TRAPPC11: variants seen among roughly 807,000 people sequenced by gnomAD.
TRAPPC11 encodes foie gras homolog.
TRAPPC11 carries 104 observed loss-of-function variants against 151.2 expected under a neutral mutation model. That is an observed-to-expected ratio of 0.69 (90% CI 0.59 to 0.81). The LOEUF (loss-of-function observed/expected upper bound fraction) is 0.81. TRAPPC11 is among the 30% of genes least tolerant of loss of function. The pLI is 0.00. For missense variants in TRAPPC11, 1,230 were observed against 1,349.6 expected (o/e 0.91, Z 1.39); for synonymous variants, 456 against 472.3 (o/e 0.97, Z 0.45).
chr4:183,676,828 G>A (rs1175363949), intron 7 of TRAPPC11, among the ~76,000 whole-genome samples: 1 of 152,154 alleles, frequency 6.6e-6, no homozygotes, highest in Admixed American at 6.5e-5. Flanking sequence ...GTGGTGGCAC[G>A]ATCTCAGCTC....
rs753383828 is a variant in TRAPPC11, at chr4:183,663,735, TG to T, written c.-21-111del. 9.0e-3 allele frequency: 5,198 copies of T among 580,090 alleles called. 87 individuals carry two copies. The highest frequency in any genetic ancestry group is 0.035 in the African/African-American group (1,666 of 47,244). 35.9% of individuals were successfully genotyped at this position (580,090 alleles called of 1,614,324 possible). A position where few individuals can be genotyped will look rare whatever the true frequency, so the allele number is the denominator to read the frequency against. ...TCATATATTGGAAATGAATATGAGT[TG>T]TTTTTTTTTTTTTTTTTTTGAGACA... On this transcript the variant is annotated intron_variant, in intron 1 of 29. Transcript: ENST00000334690.
chr4:183,663,123 G>C (rs567178506), intron 1 of TRAPPC11, among the ~76,000 whole-genome samples: 2 of 152,158 alleles, frequency 1.3e-5, no homozygotes, highest in South Asian at 4.1e-4. Flanking sequence ...TTGGAGTGGA[G>C]TGCCGTGATC....
rs142313888 is a variant in TRAPPC11 at position 183,697,521 on chromosome 4, G to C, written c.2647G>C (p.Glu883Gln). The C allele has an allele frequency of 4.4e-6, 7 of 1,601,776 alleles. No homozygotes were observed. The African/African-American group carries it at 8.1e-5, about 19-fold the overall frequency. The stretch of plus-strand genomic sequence containing the variant: ...CTTGCAGGATGAAACTGTAACAATT[G>C]AAACAGTCTTTCCATTTGATGTTGC... The part of the protein sequence containing the change: ...KCHKDETVTI[E>Q]TVFPFDVAVK... Residue 883 changes from glutamate (E) to glutamine (Q), a missense_variant, in exon 24 of 30, where the codon GAA becomes CAA. Glu to Gln is a conservative substitution (Grantham distance 29). Coordinates refer to ENST00000334690, the MANE Select transcript of TRAPPC11 (RefSeq NM_021942.6).
At chr4:183,664,116 A>ATGTG (rs368983109) in intron 2 of TRAPPC11, 45 bp downstream of exon 2, 3 of 1,103,346 alleles carry the variant, frequency 2.7e-6, no homozygotes, top group Admixed American at 2.1e-5. Flanking sequence ...CTCTCTCTCT[A>ATGTG]TGTGTGTGTG....
At chr4:183,696,088 C>T (rs1018977297) in intron 23 of TRAPPC11, among the ~76,000 whole-genome samples, 1 of 152,092 alleles carries the variant, frequency 6.6e-6, no homozygotes, top group African/African-American at 2.4e-5. Context: ...GGAAATGCTC[C>T]CAGGAGCATT....
Position 183,666,268 on chromosome 4 carries a change from T to C in TRAPPC11, c.216T>C (p.Tyr72=), listed in dbSNP as rs1165835098. Residue 72 remains tyrosine, a synonymous_variant, in exon 3 of 30, where the codon TAT becomes TAC. Coordinates refer to ENST00000334690, the MANE Select transcript of TRAPPC11 (RefSeq NM_021942.6). ...YPKCRPKRTS[Y]EWYIPKGILK... is the part of the protein sequence containing the mutation. Reference sequence around the variant, plus strand: ...GCCAATGTTTGCAGAGAACTTCATATGAGTGGTACATTCCTAAAGGGATCT... The same window carrying C: ...GCCAATGTTTGCAGAGAACTTCATACGAGTGGTACATTCCTAAAGGGATCT... 1 of 1,611,640 alleles carries C rather than the reference T, an allele frequency of 6.2e-7. No homozygotes were observed. The highest frequency in any genetic ancestry group is 8.5e-7 in the Non-Finnish European group (1 of 1,179,152).
intron 2 of TRAPPC11, among the ~76,000 whole-genome samples, chr4:183,665,219 C>G (rs959748512): frequency 1.3e-5 from 2 of 151,690 alleles, no homozygotes; most frequent in Admixed American, 6.6e-5. Flanking sequence ...TTCAGCCTCC[C>G]GAGTGGCTGG....
chr4:183,662,555 T>C (rs572059447), intron 1 of TRAPPC11, among the ~76,000 whole-genome samples: 4 of 152,232 alleles, frequency 2.6e-5, no homozygotes, highest in East Asian at 1.9e-4. Context: ...CCATTCATTG[T>C]TAGTTTTTCC....
chr4:183,695,470 C>G (rs900104965), intron 23 of TRAPPC11, among the ~76,000 whole-genome samples: 3 of 152,168 alleles, frequency 2.0e-5, no homozygotes, highest in African/African-American at 7.2e-5. Flanking sequence ...GTTCACAACT[C>G]GAAGGCAACT....
Position 183,663,904 on chromosome 4 carries a change from T to C in TRAPPC11, c.37T>C (p.Cys13Arg), listed in dbSNP as rs755857852. 4 of 1,614,206 alleles carry C rather than the reference T, an allele frequency of 2.5e-6. No individual in the cohort carries two copies. Among genetic ancestry groups the C allele is most frequent in the Non-Finnish European group, 3.4e-6 (4 of 1,180,030 alleles). Residue 13 changes from cysteine to arginine, a missense_variant, in exon 2 of 30, where the codon TGT becomes CGT. Cys to Arg is a radical substitution (Grantham distance 180). Coordinates refer to ENST00000334690, the MANE Select transcript of TRAPPC11 (RefSeq NM_021942.6). The part of the protein sequence containing the change: ...PTQWDFPVEL[C>R]CRPMAFVTLT... ...ACAGTGGGACTTCCCTGTGGAATTA[T>C]GTTGCCGGCCTATGGCCTTTGTTAC...
chr4:183,662,459 T>C (rs1734606135), intron 1 of TRAPPC11, among the ~76,000 whole-genome samples: 1 of 152,074 alleles, frequency 6.6e-6, no homozygotes, highest in Non-Finnish European at 1.5e-5. Flanking sequence ...TAGTTTTATA[T>C]ACTTATAAAG....
At position 183,697,680 on chromosome 4, in the gene TRAPPC11, T is replaced by C. The variant is rs777270916; in HGVS notation, c.2696T>C (p.Phe899Ser). ...DVAVKFVSTK[F>S]EHLERVYADI... ...ACCTTTTATCTTCATTTGTGACAGT[T>C]TGAGCACCTGGAAAGGGTTTATGCT... Residue 899 changes from phenylalanine to serine, a missense_variant and splice_region_variant, in exon 25 of 30, where the codon TTT becomes TCT. Transcript: ENST00000334690. 1.1e-5 allele frequency: 18 copies of C among 1,613,750 alleles called. No individual in the cohort carries two copies. The Admixed American group carries it at 2.2e-4, about 19-fold the overall frequency.
At chr4:183,665,527 A>G (rs541907455) in intron 2 of TRAPPC11, among the ~76,000 whole-genome samples, 2 of 152,272 alleles carry the variant, frequency 1.3e-5, no homozygotes, top group South Asian at 4.1e-4. Context: ...CTGAGTCCCC[A>G]TGTTATTTTG....
intron 2 of TRAPPC11, among the ~76,000 whole-genome samples, chr4:183,665,091 CTTTTTTTTTTTTTTTTT>C (rs66913932): frequency 9.4e-6 from 1 of 106,450 alleles, no homozygotes; most frequent in African/African-American, 3.7e-5. Flanking sequence ...TCTTTTCTTT[CTTTTTTTTTTTTTTTTT>C]TTTTGAGACG....
intron 1 of TRAPPC11, among the ~76,000 whole-genome samples, chr4:183,659,831 ACAT>A (rs1224019420): frequency 6.6e-6 from 1 of 152,286 alleles, no homozygotes; most frequent in African/African-American, 2.4e-5. Context: ...TTGTAGTTGA[ACAT>A]CTCTGAATCC....
rs1458150504 is a variant in TRAPPC11, at chr4:183,668,082, G to A, written c.525G>A (p.Leu175=). ...CELSGKSLFV[L]PHTDHLVGYI... ...TCTCAGGAAAGTCTTTGTTTGTACTGCCGCACACTGACCACCTTGTGGGTT... is the reference window on the plus strand; with the variant it reads ...TCTCAGGAAAGTCTTTGTTTGTACTACCGCACACTGACCACCTTGTGGGTT... Residue 175 remains leucine, a synonymous_variant, in exon 5 of 30, where the codon CTG becomes CTA. Coordinates refer to ENST00000334690, the MANE Select transcript of TRAPPC11 (RefSeq NM_021942.6). The A allele has an allele frequency of 6.2e-7, 1 of 1,612,878 alleles. No individual in the cohort carries two copies. The highest frequency in any genetic ancestry group is 1.3e-5 in the African/African-American group (1 of 74,874).
chr4:183,668,842 G>C (rs1735009455), intron 5 of TRAPPC11, among the ~76,000 whole-genome samples: 1 of 152,174 alleles, frequency 6.6e-6, no homozygotes, highest in African/African-American at 2.4e-5. Context: ...GATGTATTTA[G>C]ATATGAATAT....
Position 183,713,391 on chromosome 4 carries a change from G to C in TRAPPC11, c.*747G>C, listed in dbSNP as rs1473800975. 1 of 152,554 alleles carries C rather than the reference G, an allele frequency of 6.6e-6. No individual in the cohort carries two copies. Among genetic ancestry groups the C allele is most frequent in the African/African-American group, 2.4e-5 (1 of 41,426 alleles). 9.5% of individuals were successfully genotyped at this position (152,554 alleles called of 1,614,324 possible). ...ATGCAGGGTCTGAGTCAGGCCTTCTGGTTATATTGTGCAGTTTCAAAAGAA... is the reference window on the plus strand; with the variant it reads ...ATGCAGGGTCTGAGTCAGGCCTTCTCGTTATATTGTGCAGTTTCAAAAGAA... On this transcript the variant is annotated 3_prime_UTR_variant, in exon 30 of 30. Transcript: ENST00000334690.
intron 2 of TRAPPC11, among the ~76,000 whole-genome samples, chr4:183,664,633 C>G (rs1207170728): frequency 6.6e-6 from 1 of 151,962 alleles, no homozygotes; most frequent in Non-Finnish European, 1.5e-5. Flanking sequence ...ACGACTTTAC[C>G]TTAGATAATA....
Sources: gnomAD v4.1 joint callset for allele counts (sites outside exome capture counted in the v4.1 genomes callset) on GRCh38, gnomAD v4.1.1 for gene constraint, MANE v1.5 for transcripts, NCBI Gene and HGNC (gene_info 2026-07-23, HGNC 2026-07-21) for gene names.